The following HS3ST3B1 variants were observed in gnomAD, a reference collection of about 807,000 sequenced individuals.
The protein encoded by HS3ST3B1 is heparan sulfate glucosamine 3-O-sulfotransferase 3B1.
In HS3ST3B1, 13 loss-of-function variants were observed where a neutral mutation model predicts 21.3. That is an observed-to-expected ratio of 0.61 (90% CI 0.40 to 0.97). The LOEUF (loss-of-function observed/expected upper bound fraction) is 0.97. Among genes scored for constraint, HS3ST3B1 ranks in the 50% least tolerant of loss-of-function variants. The pLI, the probability that HS3ST3B1 is intolerant of heterozygous loss-of-function variation, is 0.00. For missense variants in HS3ST3B1, 459 were observed against 554.8 expected, an observed-to-expected ratio of 0.83 and a Z score of 1.73; for synonymous variants, 234 against 254.8, an observed-to-expected ratio of 0.92 and a Z score of 0.78.
chr17:14,333,495 T>G (rs950143794), intron 1 of HS3ST3B1, among the ~76,000 whole-genome samples: 3 of 151,280 alleles, frequency 2.0e-5, no homozygotes, highest in African/African-American at 7.3e-5. Context: ...AAAAAACAGA[T>G]TTTGTTCAAC....
At chr17:14,332,432 T>C (rs987611014) in intron 1 of HS3ST3B1, among the ~76,000 whole-genome samples, 1 of 151,996 alleles carries the variant, frequency 6.6e-6, no homozygotes, top group African/African-American at 2.4e-5. Flanking sequence ...CCTCTAGGAC[T>C]TGCCTGGCAG....
intron 1 of HS3ST3B1, among the ~76,000 whole-genome samples, chr17:14,318,836 C>T (rs1207512491): frequency 6.6e-6 from 1 of 152,228 alleles, no homozygotes; most frequent in Non-Finnish European, 1.5e-5. Flanking sequence ...AAGTACAGAA[C>T]AAGCCCATGA....
At chr17:14,340,656 C>T (rs1910347646) in intron 1 of HS3ST3B1, among the ~76,000 whole-genome samples, 1 of 152,148 alleles carries the variant, frequency 6.6e-6, no homozygotes, top group African/African-American at 2.4e-5. Context: ...GATCTCAGCT[C>T]ACTGCAACCT....
chr17:14,314,179 A>C (rs1909426531), intron 1 of HS3ST3B1, among the ~76,000 whole-genome samples: 1 of 151,686 alleles, frequency 6.6e-6, no homozygotes, highest in African/African-American at 2.4e-5. Context: ...GGGTTTCTCC[A>C]TGTTGGTCAG....
intron 1 of HS3ST3B1, among the ~76,000 whole-genome samples, chr17:14,338,093 T>G (rs936523651): frequency 6.6e-6 from 1 of 151,794 alleles, no homozygotes; most frequent in Non-Finnish European, 1.5e-5. Context: ...TGATTTAAAA[T>G]GCTTCCAGGG....
intron 1 of HS3ST3B1, chr17:14,304,188 G>A (rs1216752406): frequency 2.0e-5 from 3 of 152,300 alleles, no homozygotes; most frequent in Admixed American, 6.5e-5. Flanking sequence ...GGGCTTGGCT[G>A]GGCCGCGGGA....
At chr17:14,311,170 G>T (rs1909292872) in intron 1 of HS3ST3B1, among the ~76,000 whole-genome samples, 1 of 148,976 alleles carries the variant, frequency 6.7e-6, no homozygotes, top group South Asian at 2.1e-4. Flanking sequence ...CTGGGCTCAA[G>T]CGATCCTCCC....
At chr17:14,318,550 C>A (rs780878566) in intron 1 of HS3ST3B1, among the ~76,000 whole-genome samples, 1 of 152,156 alleles carries the variant, frequency 6.6e-6, no homozygotes, top group Non-Finnish European at 1.5e-5. Context: ...TCCATGTTAG[C>A]ATATAAAAGT....
intron 1 of HS3ST3B1, among the ~76,000 whole-genome samples, chr17:14,311,860 C>A (rs1909316205): frequency 6.6e-6 from 1 of 152,068 alleles, no homozygotes. Context: ...CTTGAAGCAC[C>A]ACTTAAAACA....
rs1414554127 is a variant in HS3ST3B1 at position 14,349,275 on chromosome 17, A to G, written c.*3629A>G. Reference sequence around the variant, plus strand: ...TTAGGATAGCCAATATGTACAAAAAATTAAATCAAGTATTTTGTCCTATGT... The same window carrying G: ...TTAGGATAGCCAATATGTACAAAAAGTTAAATCAAGTATTTTGTCCTATGT... On this transcript the variant is annotated 3_prime_UTR_variant, in exon 2 of 2. Coordinates refer to ENST00000360954, the MANE Select transcript of HS3ST3B1 (RefSeq NM_006041.3). The G allele has an allele frequency of 1.3e-5, 2 of 152,260 alleles. No individual in the cohort carries two copies. Among genetic ancestry groups the G allele is most frequent in the African/African-American group, 2.4e-5 (1 of 41,462 alleles). The allele number at this position is 152,260 out of a possible 1,614,324, so 9.4% of individuals were successfully genotyped here.
intron 1 of HS3ST3B1, among the ~76,000 whole-genome samples, chr17:14,321,276 A>G (rs1255990286): frequency 6.6e-6 from 1 of 152,218 alleles, no homozygotes; most frequent in Non-Finnish European, 1.5e-5. Flanking sequence ...ATGAGCTAGA[A>G]GAGGAGGCAG....
Position 14,345,956 on chromosome 17 carries a change from C to A in HS3ST3B1, c.*310C>A, listed in dbSNP as rs908492711. 3 of 278,500 alleles carry A rather than the reference C, an allele frequency of 1.1e-5. No individual in the cohort carries two copies. The highest frequency in any genetic ancestry group is 2.2e-5 in the African/African-American group (1 of 44,628). 17.3% of individuals were successfully genotyped at this position (278,500 alleles called of 1,614,324 possible). A position where few individuals can be genotyped will look rare whatever the true frequency, so the allele number is the denominator to read the frequency against. ...GATTTTTGTTGTTACGGGTATTCAG[C>A]CTTCAGTCACCGTCTGAGTTCTCCA... is the stretch of plus-strand genomic sequence containing the variant. On this transcript the variant is annotated 3_prime_UTR_variant, in exon 2 of 2. Coordinates refer to ENST00000360954, the MANE Select transcript of HS3ST3B1 (RefSeq NM_006041.3).
intron 1 of HS3ST3B1, among the ~76,000 whole-genome samples, chr17:14,312,581 A>G (rs1909339855): frequency 6.6e-6 from 1 of 151,990 alleles, no homozygotes; most frequent in South Asian, 2.1e-4. Flanking sequence ...CAACCATGCC[A>G]TCCGTGTGCC....
intron 1 of HS3ST3B1, among the ~76,000 whole-genome samples, chr17:14,330,539 C>T (rs572788738): frequency 7.3e-6 from 1 of 137,818 alleles, no homozygotes; most frequent in South Asian, 2.3e-4. Flanking sequence ...CTGTTTCTCT[C>T]CTGGTTTCCC....
At chr17:14,313,245 G>T (rs1322205949) in intron 1 of HS3ST3B1, among the ~76,000 whole-genome samples, 9 of 151,602 alleles carry the variant, frequency 5.9e-5, no homozygotes, top group Admixed American at 5.9e-4. Context: ...TGGGATTACA[G>T]GTGTGAGCCA....
chr17:14,311,209 C>G (rs1386175910), intron 1 of HS3ST3B1, among the ~76,000 whole-genome samples: 1 of 143,004 alleles, frequency 7.0e-6, no homozygotes, highest in Non-Finnish European at 1.5e-5. Context: ...GCAGGGACTA[C>G]AGGTGCACAC....
intron 1 of HS3ST3B1, among the ~76,000 whole-genome samples, chr17:14,333,242 C>T (rs530227750): frequency 6.6e-6 from 1 of 152,034 alleles, no homozygotes; most frequent in African/African-American, 2.4e-5. Flanking sequence ...CCGAGGCGGG[C>T]GGATCACGAG....
At chr17:14,326,921 C>CAAAA (rs60800866) in intron 1 of HS3ST3B1, among the ~76,000 whole-genome samples, 32 of 60,376 alleles carry the variant, frequency 5.3e-4, no homozygotes, top group Non-Finnish European at 6.9e-4. Context: ...AACTCTGTCT[C>CAAAA]AAAAAAAAAA....
At chr17:14,313,806 C>G (rs11078239) in intron 1 of HS3ST3B1, among the ~76,000 whole-genome samples, 72,901 of 151,594 alleles carry the variant, frequency 0.48, 17,898 homozygotes, top group Admixed American at 0.6. Context: ...CTGACCTCAG[C>G]TGATCCACCA....
Sources: allele counts gnomAD v4.1 joint callset (sites outside exome capture counted in the v4.1 genomes callset), GRCh38; gene constraint gnomAD v4.1.1; transcripts MANE v1.5; gene names NCBI Gene and HGNC (gene_info 2026-07-23, HGNC 2026-07-21).